The following OR51B5 variants were observed in gnomAD, a reference collection of about 807,000 sequenced individuals.
OR51B5 encodes the protein olfactory receptor 51B5.
For missense variants in OR51B5, 456 were observed against 374.6 expected, an observed-to-expected ratio of 1.22 and a Z score of -1.79; for synonymous variants, 186 against 144.8, an observed-to-expected ratio of 1.28 and a Z score of -2.04.
At chr11:5,411,849 G>T (rs1850153293) in intron 1 of OR51B5, among the ~76,000 whole-genome samples, 1 of 152,196 alleles carries the variant, frequency 6.6e-6, no homozygotes, top group Admixed American at 6.5e-5. Context: ...GCTTTGTAGA[G>T]AGAGAAATTG....
chr11:5,351,708 A>G, intron 1 of OR51B5: 1 of 1,614,092 alleles, frequency 6.2e-7, no homozygotes, highest in Non-Finnish European at 8.5e-7. Flanking sequence ...TGGCAGCTAC[A>G]GACCTCGGAG....
intron 1 of OR51B5, among the ~76,000 whole-genome samples, chr11:5,402,186 A>AT (rs1048726435): frequency 1.1e-4 from 16 of 151,362 alleles, no homozygotes; most frequent in Middle Eastern, 3.4e-3. Flanking sequence ...TAATTTTTGT[A>AT]TTTTTTTTAG....
chr11:5,378,874 C>A (rs9794958), intron 1 of OR51B5, among the ~76,000 whole-genome samples: 39,841 of 149,020 alleles, frequency 0.27, 5,522 homozygotes, highest in African/African-American at 0.32. Context: ...GGACTGTAAA[C>A]TAGTTCAACC....
Position 5,453,960 on chromosome 11 carries a change from C to A in OR51B5, n.84+51609G>T, listed in dbSNP as rs202157321. On this transcript the variant is annotated intron_variant and non_coding_transcript_variant, in intron 1 of 4. Coordinates refer to the OR51B5 transcript ENST00000415970. ...TGCTCGAAGCTTCATCACCCTTTTC[C>A]CTCTTCCCTTTCTTATTAAGAGGCT... The A allele has an allele frequency of 1.1e-5, 17 of 1,614,076 alleles. No homozygotes were observed. In the East Asian group the frequency reaches 1.1e-4, roughly 11 times the overall value.
At chr11:5,358,996 A>G (rs1849237319) in intron 1 of OR51B5, among the ~76,000 whole-genome samples, 1 of 151,926 alleles carries the variant, frequency 6.6e-6, no homozygotes, top group Admixed American at 6.6e-5. Flanking sequence ...ACGTATCTCA[A>G]AATAATAAGA....
At chr11:5,478,662 T>A (rs1441693477) in intron 1 of OR51B5, among the ~76,000 whole-genome samples, 3 of 150,730 alleles carry the variant, frequency 2.0e-5, no homozygotes, top group African/African-American at 7.3e-5. Flanking sequence ...AGAGAAGTGC[T>A]TAAAGGAGCT....
intron 1 of OR51B5, chr11:5,390,866 AC>A (rs773911990): frequency 6.5e-6 from 1 of 154,706 alleles, no homozygotes; most frequent in Non-Finnish European, 1.4e-5. Flanking sequence ...TAACTTTCAG[AC>A]CCCCAAGTCA....
intron 1 of OR51B5, among the ~76,000 whole-genome samples, chr11:5,423,935 T>C (rs1850400795): frequency 6.6e-6 from 1 of 152,196 alleles, no homozygotes; most frequent in Admixed American, 6.5e-5. Flanking sequence ...TTTCATACTT[T>C]TATGTTCTTA....
chr11:5,363,265 A>T (rs1425943701), intron 1 of OR51B5, among the ~76,000 whole-genome samples: 35 of 80,278 alleles, frequency 4.4e-4, no homozygotes, highest in Admixed American at 1.7e-3. Flanking sequence ...ACACACACAC[A>T]CACACACACA....
At chr11:5,364,415 T>C (rs1303574734) in intron 1 of OR51B5, among the ~76,000 whole-genome samples, 3 of 152,098 alleles carry the variant, frequency 2.0e-5, no homozygotes, top group African/African-American at 7.3e-5. Flanking sequence ...GTGTCATTTC[T>C]GTGACAGGAT....
chr11:5,342,530 T>C (rs1848910938), downstream of OR51B5: 19 of 1,519,760 alleles, frequency 1.3e-5, no homozygotes, highest in Non-Finnish European at 1.7e-5. Context: ...TTCTTTGCTC[T>C]CCTGCTAAAT....
At position 5,426,175 on chromosome 11, in the gene OR51B5, G is replaced by A. The variant is rs186183435; in HGVS notation, n.85-79265C>T. ...ATCCTGGAAAAGGCAAAACTATAGTGAGTATGTCAATCAATGGTAGTCAAG... is the reference window on the plus strand; with the variant it reads ...ATCCTGGAAAAGGCAAAACTATAGTAAGTATGTCAATCAATGGTAGTCAAG... On this transcript the variant is annotated intron_variant and non_coding_transcript_variant, in intron 1 of 4. Coordinates refer to the OR51B5 transcript ENST00000415970. Among the ~76,000 whole-genome samples, 3 of 152,300 alleles carry A rather than the reference G, an allele frequency of 2.0e-5. 1 individual carries two copies. The highest frequency in any genetic ancestry group is 2.0e-4 in the Admixed American group (3 of 15,296).
At chr11:5,360,226 A>C (rs1284983798) in intron 1 of OR51B5, among the ~76,000 whole-genome samples, 2 of 152,010 alleles carry the variant, frequency 1.3e-5, no homozygotes, top group African/African-American at 2.4e-5. Flanking sequence ...AATGGGAGAA[A>C]ATTTTTGCAA....
rs61735506 is a variant in OR51B5, at chr11:5,440,630, A to C, written n.84+64939T>G. ...CTTTGCGGATCTCCTTGGTTTTCACACTGTAGATGATAGGGTTGAGCATGG... is the reference window on the plus strand; with the variant it reads ...CTTTGCGGATCTCCTTGGTTTTCACCCTGTAGATGATAGGGTTGAGCATGG... On this transcript the variant is annotated intron_variant and non_coding_transcript_variant, in intron 1 of 4. Transcript: ENST00000415970. 1,654 of 1,613,784 alleles carry C rather than the reference A, an allele frequency of 1.0e-3. 13 individuals carry two copies. The African/African-American group carries it at 0.017, about 16-fold the overall frequency.
At chr11:5,464,362 T>C (rs1219714505) in intron 1 of OR51B5, among the ~76,000 whole-genome samples, 2 of 152,138 alleles carry the variant, frequency 1.3e-5, no homozygotes, top group Non-Finnish European at 2.9e-5. Flanking sequence ...TATGTATACA[T>C]GTGCCATGCT....
chr11:5,425,016 C>T (rs1357602900), intron 1 of OR51B5, among the ~76,000 whole-genome samples: 1 of 146,548 alleles, frequency 6.8e-6, no homozygotes, highest in Non-Finnish European at 1.5e-5. Context: ...AGGCAGAAAG[C>T]AAATACCAAA....
chr11:5,418,992 C>A (rs895032881), intron 1 of OR51B5, among the ~76,000 whole-genome samples: 1 of 151,778 alleles, frequency 6.6e-6, no homozygotes, highest in African/African-American at 2.4e-5. Flanking sequence ...TTTCTTGAGG[C>A]ATGTGCTCAT....
intron 1 of OR51B5, chr11:5,355,127 C>T: frequency 5.5e-6 from 1 of 182,248 alleles, no homozygotes; most frequent in South Asian, 1.4e-4. Context: ...TATGACAGTG[C>T]CTGCCCACCT....
chr11:5,408,663 T>G (rs12804113), intron 1 of OR51B5, among the ~76,000 whole-genome samples: 20,041 of 152,032 alleles, frequency 0.13, 1,774 homozygotes, highest in Non-Finnish European at 0.19. Context: ...GTGATCACAA[T>G]GTATCCAGAA....
Sources: gnomAD v4.1 joint callset for allele counts (sites outside exome capture counted in the v4.1 genomes callset) on GRCh38, gnomAD v4.1.1 for gene constraint, MANE v1.5 for transcripts, NCBI Gene and HGNC (gene_info 2026-07-23, HGNC 2026-07-21) for gene names.